The following CHLSN variants were observed in gnomAD, a reference collection of about 807,000 sequenced individuals.
CHLSN encodes protein cholesin.
chr7:1,023,648 CA>C, the CHLSN span, among the ~76,000 whole-genome samples: 6 of 148,556 alleles, frequency 4.0e-5, no homozygotes, highest in Admixed American at 2.0e-4. The surrounding 1 kb of genome is among the most constrained non-coding windows in gnomAD (Gnocchi z 5.0). Context: ...CACACACACA[CA>C]CACACACACA....
At chr7:1,135,373 T>C in the CHLSN span, among the ~76,000 whole-genome samples, 1 of 152,102 alleles carries the variant, frequency 6.6e-6, no homozygotes. Flanking sequence ...ATATACATGG[T>C]CATATATGTG....
the CHLSN span, among the ~76,000 whole-genome samples, chr7:1,116,384 C>T: frequency 3.4e-5 from 5 of 145,718 alleles, no homozygotes; most frequent in African/African-American, 7.9e-5. Context: ...CTTCCATCAC[C>T]GACGCCCACG....
chr7:1,091,959 C>T, the CHLSN span: 6 of 1,614,018 alleles, frequency 3.7e-6, no homozygotes, highest in Non-Finnish European at 5.1e-6. Flanking sequence ...TTGTGGGCAA[C>T]ATCCTGATCC....
At chr7:1,016,804 A>AGC in the CHLSN span, among the ~76,000 whole-genome samples, 3 of 119,122 alleles carry the variant, frequency 2.5e-5, no homozygotes, top group African/African-American at 1.3e-4. Context: ...AGCACACAGC[A>AGC]GCACACACCA....
chr7:988,642 C>T, the CHLSN span: 7 of 1,602,668 alleles, frequency 4.4e-6, no homozygotes, highest in Non-Finnish European at 5.9e-6. Flanking sequence ...CAGGCCGCCG[C>T]GTCTGTGTTG....
the CHLSN span, chr7:1,127,258 T>G: frequency 1.3e-6 from 2 of 1,596,840 alleles, no homozygotes; most frequent in Admixed American, 3.7e-5. Flanking sequence ...CGGCCTTACC[T>G]TGGAGCCGGC....
the CHLSN span, chr7:1,137,851 CA>C: frequency 6.6e-6 from 1 of 152,350 alleles, no homozygotes; most frequent in Admixed American, 6.5e-5. Flanking sequence ...CCTCGGAGGG[CA>C]ATCAGGGCGT....
chr7:1,092,623 C>T, the CHLSN span: 19 of 1,612,314 alleles, frequency 1.2e-5, no homozygotes, highest in Non-Finnish European at 1.5e-5. Flanking sequence ...GCAGTCTTTC[C>T]GCCATGCCCA....
chr7:1,064,827 G>C, the CHLSN span, among the ~76,000 whole-genome samples: 1 of 152,180 alleles, frequency 6.6e-6, no homozygotes, highest in Non-Finnish European at 1.5e-5. Flanking sequence ...CAGGCTCCAG[G>C]GCTCCAGAAG....
chr7:1,131,864 A>G, the CHLSN span, among the ~76,000 whole-genome samples: 1 of 152,224 alleles, frequency 6.6e-6, no homozygotes, highest in Non-Finnish European at 1.5e-5. Context: ...TCTAAGGGAA[A>G]GTGACTCAAG....
the CHLSN span, chr7:987,492 C>T: frequency 3.5e-4 from 549 of 1,547,038 alleles, 9 homozygotes; most frequent in South Asian, 4.3e-3. Flanking sequence ...CCCGCTGCAC[C>T]GCGGCCGACA....
At chr7:1,018,794 T>C in the CHLSN span, among the ~76,000 whole-genome samples, 3 of 151,812 alleles carry the variant, frequency 2.0e-5, no homozygotes, top group African/African-American at 7.3e-5. Flanking sequence ...AAAAAATCAA[T>C]AGATCAGGGC....
At chr7:1,009,395 C>A in the CHLSN span, among the ~76,000 whole-genome samples, 1 of 152,152 alleles carries the variant, frequency 6.6e-6, no homozygotes, top group Non-Finnish European at 1.5e-5. Flanking sequence ...CCACAGCCCG[C>A]AAGGCTGTGG....
chr7:1,063,206 T>A, the CHLSN span, among the ~76,000 whole-genome samples: 42 of 152,168 alleles, frequency 2.8e-4, no homozygotes, highest in African/African-American at 9.9e-4. Context: ...CGGCCACATC[T>A]GGGGCTTCCA....
the CHLSN span, among the ~76,000 whole-genome samples, chr7:1,016,086 G>GCAGCACACGC: frequency 6.3e-5 from 7 of 110,586 alleles, no homozygotes; most frequent in Non-Finnish European, 1.1e-4. Context: ...GCAGCACACA[G>GCAGCACACGC]CAGCGCACAG....
the CHLSN span, among the ~76,000 whole-genome samples, chr7:1,040,183 TAAAAA>T: frequency 5.4e-5 from 4 of 74,530 alleles, 1 homozygote; most frequent in Non-Finnish European, 9.1e-5. Context: ...AAAATAAATT[TAAAAA>T]AAAAAAAAAA....
chr7:1,016,766 CA>C, the CHLSN span, among the ~76,000 whole-genome samples: 1 of 86,134 alleles, frequency 1.2e-5, no homozygotes, highest in East Asian at 2.5e-4. Context: ...CGCCAGCGCA[CA>C]GCGCACAGCA....
chr7:1,008,711 C>T, the CHLSN span, among the ~76,000 whole-genome samples: 6 of 152,262 alleles, frequency 3.9e-5, no homozygotes, highest in East Asian at 3.9e-4. Flanking sequence ...GGTGGAGGAC[C>T]GTCCTGGGGA....
the CHLSN span, among the ~76,000 whole-genome samples, chr7:995,637 A>C: frequency 6.6e-6 from 1 of 152,036 alleles, no homozygotes; most frequent in Non-Finnish European, 1.5e-5. Flanking sequence ...CTGAACACGG[A>C]CCCTTCCCAG....
Sources: allele counts gnomAD v4.1 joint callset (sites outside exome capture counted in the v4.1 genomes callset), GRCh38; gene constraint gnomAD v4.1.1; non-coding constraint Gnocchi (gnomAD v3.1); transcripts MANE v1.5; gene names NCBI Gene and HGNC (gene_info 2026-07-23, HGNC 2026-07-21).